ABLIM1: variants seen among roughly 807,000 people sequenced by gnomAD.
ABLIM1 encodes the protein actin binding LIM protein 1.
In ABLIM1, 40 loss-of-function variants were observed where a neutral mutation model predicts 107.0. The ratio of observed to expected loss-of-function variants is 0.37; its 90% CI spans 0.29 to 0.49. The LOEUF (loss-of-function observed/expected upper bound fraction) is 0.49, where lower values mean the gene tolerates loss of function less well. ABLIM1 is among the 20% of genes least tolerant of loss of function. ABLIM1 has a pLI of 0.97. For synonymous variants in ABLIM1, 357 were observed against 357.3 expected (o/e 1.00, Z 0.01); for missense variants, 857 against 1,008.5 (o/e 0.85, Z 2.04).
At chr10:114,705,843 T>C (rs951858931) in intron 1 of ABLIM1, among the ~76,000 whole-genome samples, 2 of 152,222 alleles carry the variant, frequency 1.3e-5, no homozygotes, top group Non-Finnish European at 2.9e-5. Context: ...TCTTGTTTTA[T>C]GTGGAGAAGA....
the ABLIM1 span, among the ~76,000 whole-genome samples, chr10:114,785,858 A>T: frequency 8.5e-5 from 13 of 152,118 alleles, no homozygotes; most frequent in Non-Finnish European, 1.8e-4. Flanking sequence ...CTTTGCGAGT[A>T]GCTGGGATTA....
At chr10:114,474,879 AC>A (rs2056045927) in intron 8 of ABLIM1, among the ~76,000 whole-genome samples, 1 of 152,148 alleles carries the variant, frequency 6.6e-6, no homozygotes, top group African/African-American at 2.4e-5. Flanking sequence ...AATAAGTCTC[AC>A]GAGACTGATG....
chr10:114,575,602 G>A lies in ABLIM1; in HGVS notation c.380-3C>T, dbSNP rs1378905024. The A allele has an allele frequency of 6.2e-7, 1 of 1,612,290 alleles. No homozygotes were observed. The highest frequency in any genetic ancestry group is 8.5e-7 in the Non-Finnish European group (1 of 1,178,988). ...TTGTGCCAGGTCACAGCCACACACT[G>A]TAGAGAGACAAGTTCACATCTGGTC... is the stretch of plus-strand genomic sequence containing the variant. On this transcript the variant is annotated splice_region_variant and splice_polypyrimidine_tract_variant and intron_variant, in intron 2 of 22. Coordinates refer to ENST00000533213, the MANE Select transcript of ABLIM1 (RefSeq NM_002313.7).
intron 2 of ABLIM1, among the ~76,000 whole-genome samples, chr10:114,586,921 T>A (rs2074258375): frequency 1.3e-5 from 2 of 152,186 alleles, no homozygotes; most frequent in South Asian, 4.1e-4. Context: ...GATAATACAA[T>A]TTTTCCTAAA....
In ABLIM1 at chr10:114,690,436, G is replaced by T. The variant is rs1000116060; in HGVS notation, c.-213+77625C>A. On this transcript the variant is annotated intron_variant, in intron 1 of 15. Transcript: ENST00000651092. ...GACTTGCCACCAGTGCCATTATGGC[G>T]TGTGAAGTCACCACCCTGACACATA... The T allele has an allele frequency of 1.1e-5, 17 of 1,603,608 alleles. No homozygotes were observed. In the Admixed American group the frequency reaches 2.2e-4, roughly 20 times the overall value.
At chr10:114,474,742 A>G (rs2067275940) in intron 8 of ABLIM1, among the ~76,000 whole-genome samples, 1 of 152,194 alleles carries the variant, frequency 6.6e-6, no homozygotes, top group Non-Finnish European at 1.5e-5. Flanking sequence ...CAGCATTGAT[A>G]TAGTTTGGCT....
chr10:114,631,791 C>A, intron 1 of ABLIM1: 1 of 1,162,574 alleles, frequency 8.6e-7, no homozygotes. Context: ...CTTCTCACAC[C>A]GAGAACATGT....
chr10:114,668,751 G>A (rs2080129825), intron 1 of ABLIM1, among the ~76,000 whole-genome samples: 1 of 152,190 alleles, frequency 6.6e-6, no homozygotes, highest in African/African-American at 2.4e-5. Flanking sequence ...GAGATTTGGT[G>A]GAAAGAGGTA....
intron 6 of ABLIM1, among the ~76,000 whole-genome samples, chr10:114,521,640 G>A (rs752665475): frequency 4.6e-5 from 7 of 152,088 alleles, no homozygotes; most frequent in African/African-American, 1.2e-4. Context: ...AATTTACTCG[G>A]TAGTCAACCC....
At chr10:114,762,374 T>C (rs143983194) in intron 1 of ABLIM1, among the ~76,000 whole-genome samples, 78 of 152,236 alleles carry the variant, frequency 5.1e-4, no homozygotes, top group African/African-American at 1.6e-3. Flanking sequence ...GTCTTCCCCA[T>C]AAAACTGTGA....
intron 4 of ABLIM1, among the ~76,000 whole-genome samples, chr10:114,561,410 T>C (rs1417811947): frequency 6.6e-6 from 1 of 152,218 alleles, no homozygotes; most frequent in Non-Finnish European, 1.5e-5. Flanking sequence ...GAATCTTATT[T>C]TATTTTGAAA....
intron 1 of ABLIM1, among the ~76,000 whole-genome samples, chr10:114,675,099 C>A (rs1185786566): frequency 2.0e-5 from 3 of 152,068 alleles, no homozygotes; most frequent in Non-Finnish European, 4.4e-5. Context: ...CCCAGATGTT[C>A]CCTATGTTCC....
intron 1 of ABLIM1, among the ~76,000 whole-genome samples, chr10:114,671,804 A>G (rs2080266598): frequency 6.6e-6 from 1 of 152,228 alleles, no homozygotes; most frequent in African/African-American, 2.4e-5. Flanking sequence ...TTTGTGAAGT[A>G]TACACCTATG....
upstream of ABLIM1, among the ~76,000 whole-genome samples, chr10:114,686,635 CTCTT>C (rs141613793): frequency 0.022 from 3,326 of 151,998 alleles, 55 homozygotes; most frequent in Non-Finnish European, 0.032. Flanking sequence ...CTCTTTATCT[CTCTT>C]TCTTTCTGAG....
chr10:114,606,558 C>T (rs759233717), intron 1 of ABLIM1, among the ~76,000 whole-genome samples: 6 of 152,078 alleles, frequency 3.9e-5, no homozygotes, highest in Non-Finnish European at 8.8e-5. Flanking sequence ...TTACAGCTTG[C>T]TCTGGGTCAT....
intron 1 of ABLIM1, chr10:114,690,308 C>A: frequency 6.3e-7 from 1 of 1,593,740 alleles, no homozygotes; most frequent in Non-Finnish European, 8.6e-7. Context: ...AGATGAAAAA[C>A]TGGGAACCGT....
Position 114,508,984 on chromosome 10 carries a change from A to T in ABLIM1, c.895-17106T>A, listed in dbSNP as rs1286571833. Among the ~76,000 whole-genome samples, 38 of 152,230 alleles carry T rather than the reference A, an allele frequency of 2.5e-4. 1 individual carries two copies. The highest frequency in any genetic ancestry group is 2.5e-3 in the Admixed American group (38 of 15,282). Reference sequence around the variant, plus strand: ...CTGGATACTCACAACAGATCATGAGATAGGAACATCAAGTTACCATTACTA... The same window carrying T: ...CTGGATACTCACAACAGATCATGAGTTAGGAACATCAAGTTACCATTACTA... On this transcript the variant is annotated intron_variant, in intron 6 of 22. Coordinates refer to ENST00000533213, the MANE Select transcript of ABLIM1 (RefSeq NM_002313.7).
At chr10:114,695,853 A>T (rs563655121) in intron 1 of ABLIM1, among the ~76,000 whole-genome samples, 2 of 152,314 alleles carry the variant, frequency 1.3e-5, no homozygotes, top group South Asian at 2.1e-4. Flanking sequence ...TGATCGTAAG[A>T]GATTATGAGG....
At chr10:114,610,689 C>T (rs2076746704) in intron 1 of ABLIM1, 1 of 152,198 alleles carries the variant, frequency 6.6e-6, no homozygotes, top group African/African-American at 2.4e-5. Flanking sequence ...ACACAGTTAC[C>T]CAGTCATTAG....
Sources: gnomAD v4.1 joint callset for allele counts (sites outside exome capture counted in the v4.1 genomes callset) on GRCh38, gnomAD v4.1.1 for gene constraint, MANE v1.5 for transcripts, NCBI Gene and HGNC (gene_info 2026-07-23, HGNC 2026-07-21) for gene names.